AP3S1: variants seen among roughly 807,000 people sequenced by gnomAD.
AP3S1 encodes adaptor related protein complex 3 subunit sigma 1, also known as AP-3 complex subunit sigma-1.
A neutral mutation model predicts 21.3 loss-of-function variants in AP3S1; 12 were observed. That is an observed-to-expected ratio of 0.56 (90% CI 0.36 to 0.91). The LOEUF is 0.91. AP3S1 is among the 40% of genes least tolerant of loss of function. The probability of loss-of-function intolerance (pLI) is 0.01; values close to 1 mark genes in which losing one functional copy is unlikely to be tolerated. For synonymous variants in AP3S1, 48 were observed against 78.4 expected (o/e 0.61, Z 2.05); for missense variants, 116 against 225.0 (o/e 0.52, Z 3.10).
intron 1 of AP3S1, chr5:115,842,388 C>G: frequency 3.0e-6 from 1 of 333,368 alleles, no homozygotes; most frequent in Non-Finnish European, 5.4e-6. Flanking sequence ...TGGAGACTTC[C>G]CGGGGCCCGG....
chr5:115,883,963 C>T (rs907119850), intron 3 of AP3S1, among the ~76,000 whole-genome samples: 1 of 152,120 alleles, frequency 6.6e-6, no homozygotes, highest in African/African-American at 2.4e-5. Flanking sequence ...CTAAATTCAA[C>T]ATACAAATCA....
At chr5:115,863,090 C>T (rs1763321508) in intron 1 of AP3S1, among the ~76,000 whole-genome samples, 1 of 151,934 alleles carries the variant, frequency 6.6e-6, no homozygotes, top group Admixed American at 6.6e-5. Flanking sequence ...TGGCAAAACC[C>T]CTTTTCTACT....
intron 3 of AP3S1, among the ~76,000 whole-genome samples, chr5:115,886,497 T>TA (rs1297540541): frequency 3.9e-5 from 6 of 152,218 alleles, no homozygotes; most frequent in African/African-American, 1.4e-4. Context: ...TTCTCTTCCT[T>TA]ATGATTTTCT....
At chr5:115,885,718 C>G (rs987768850) in intron 3 of AP3S1, among the ~76,000 whole-genome samples, 2 of 152,190 alleles carry the variant, frequency 1.3e-5, no homozygotes, top group Admixed American at 6.5e-5. Context: ...GTCCTTCACT[C>G]AAGTTAACAG....
intron 1 of AP3S1, among the ~76,000 whole-genome samples, chr5:115,851,834 TG>T (rs1176643085): frequency 6.6e-6 from 1 of 151,112 alleles, no homozygotes; most frequent in Non-Finnish European, 1.5e-5. Context: ...CTTACGTTTT[TG>T]TTGTTGTTGT....
At chr5:115,862,384 T>C (rs1330980551) in intron 1 of AP3S1, among the ~76,000 whole-genome samples, 1 of 152,232 alleles carries the variant, frequency 6.6e-6, no homozygotes, top group Non-Finnish European at 1.5e-5. Context: ...AGATACTAGT[T>C]TATTTTATCA....
intron 2 of AP3S1, among the ~76,000 whole-genome samples, chr5:115,867,227 G>T (rs376398636): frequency 1.3e-5 from 2 of 152,042 alleles, no homozygotes; most frequent in South Asian, 2.1e-4. Context: ...CAAAAGCTTT[G>T]CATAGAAACA....
chr5:115,912,975 A>G (rs1190066191), intron 5 of AP3S1, among the ~76,000 whole-genome samples: 3 of 152,154 alleles, frequency 2.0e-5, no homozygotes, highest in African/African-American at 7.2e-5. Context: ...TTAAAAGCAA[A>G]AGAAAATCTA....
chr5:115,854,650 G>A (rs1163452960), intron 1 of AP3S1, among the ~76,000 whole-genome samples: 6 of 151,492 alleles, frequency 4.0e-5, no homozygotes, highest in African/African-American at 1.5e-4. Context: ...AATGTTTGGA[G>A]TGCTCTGAGG....
intron 3 of AP3S1, among the ~76,000 whole-genome samples, chr5:115,886,873 G>A (rs1044645837): frequency 2.0e-5 from 3 of 152,120 alleles, no homozygotes; most frequent in East Asian, 1.9e-4. Flanking sequence ...CTATATTGAC[G>A]TTGAGTTCAT....
chr5:115,893,175 G>A (rs1750464128), intron 3 of AP3S1, among the ~76,000 whole-genome samples: 1 of 152,094 alleles, frequency 6.6e-6, no homozygotes, highest in South Asian at 2.1e-4. Context: ...TAACACCACA[G>A]TAACTCCCAT....
chr5:115,872,164 C>A (rs1334116511), intron 3 of AP3S1, among the ~76,000 whole-genome samples: 3 of 152,062 alleles, frequency 2.0e-5, no homozygotes, highest in African/African-American at 7.2e-5. Context: ...GCATGCTGTT[C>A]TGCACCTGTC....
At chr5:115,908,991 GA>G (rs1751883199) in intron 5 of AP3S1, 1 of 984,510 alleles carries the variant, frequency 1.0e-6, no homozygotes, top group Admixed American at 6.1e-5. Flanking sequence ...TCAAAATTAT[GA>G]ATGTGCATAT....
At chr5:115,846,271 A>G (rs1762057355) in intron 1 of AP3S1, among the ~76,000 whole-genome samples, 1 of 152,200 alleles carries the variant, frequency 6.6e-6, no homozygotes, top group African/African-American at 2.4e-5. Context: ...GGCTTCCCAA[A>G]GTGCTGGGAT....
intron 1 of AP3S1, among the ~76,000 whole-genome samples, chr5:115,853,390 C>G (rs1762583981): frequency 6.6e-6 from 1 of 152,176 alleles, no homozygotes; most frequent in Non-Finnish European, 1.5e-5. Context: ...ATATGATGTG[C>G]ATGTATCTCC....
In AP3S1 at chr5:115,914,025, T is replaced by A. The variant is rs535076581; in HGVS notation, c.*535T>A. On this transcript the variant is annotated 3_prime_UTR_variant, in exon 6 of 6. Coordinates refer to ENST00000316788, the MANE Select transcript of AP3S1 (RefSeq NM_001284.4). ...CCTGATATCTACTTTAGCAATAATT[T>A]TTTTTACAACCCTCTGACTCAACAA... 1 of 152,354 alleles carries A rather than the reference T, an allele frequency of 6.6e-6. No individual in the cohort carries two copies. The highest frequency in any genetic ancestry group is 2.1e-4 in the South Asian group (1 of 4,812). The allele number at this position is 152,354 out of a possible 1,614,324, so 9.4% of individuals were successfully genotyped here. A position where few individuals can be genotyped will look rare whatever the true frequency, so the allele number is the denominator to read the frequency against.
At chr5:115,900,637 C>G (rs1415344684) in intron 4 of AP3S1, among the ~76,000 whole-genome samples, 2 of 152,166 alleles carry the variant, frequency 1.3e-5, no homozygotes, top group Admixed American at 6.6e-5. Flanking sequence ...AACAGAGCAT[C>G]TTACGTATTT....
chr5:115,879,498 G>A (rs1043671524), intron 3 of AP3S1, among the ~76,000 whole-genome samples: 7 of 152,112 alleles, frequency 4.6e-5, no homozygotes, highest in East Asian at 3.9e-4. Flanking sequence ...GATGGATTAC[G>A]TTTATTGATT....
intron 3 of AP3S1, among the ~76,000 whole-genome samples, chr5:115,893,444 G>A (rs75303792): frequency 0.022 from 3,330 of 152,306 alleles, 59 homozygotes; most frequent in Non-Finnish European, 0.035. Context: ...TGAAATATGT[G>A]TTAATCAACT....
Sources: allele counts gnomAD v4.1 joint callset (sites outside exome capture counted in the v4.1 genomes callset), GRCh38; gene constraint gnomAD v4.1.1; transcripts MANE v1.5; gene names NCBI Gene and HGNC (gene_info 2026-07-23, HGNC 2026-07-21).